ANKRD30B: variants seen among roughly 807,000 people sequenced by gnomAD.
The protein encoded by ANKRD30B is ankyrin repeat domain-containing protein 30B.
Under a neutral mutation model 202.2 loss-of-function variants are expected in ANKRD30B, and 144 were observed. That is an observed-to-expected ratio of 0.71 (90% CI 0.62 to 0.82). The LOEUF (loss-of-function observed/expected upper bound fraction) is 0.82, where lower values mean the gene tolerates loss of function less well. Ranked by LOEUF, ANKRD30B falls within the 40% of genes least tolerant of loss-of-function variation. The pLI is 0.00. For missense variants in ANKRD30B, 1,487 were observed against 1,669.1 expected, an observed-to-expected ratio of 0.89 and a Z score of 1.90; for synonymous variants, 508 against 561.3, an observed-to-expected ratio of 0.91 and a Z score of 1.34.
intron 10 of ANKRD30B, among the ~76,000 whole-genome samples, chr18:14,779,297 T>A (rs1385073011): frequency 6.6e-6 from 1 of 152,234 alleles, no homozygotes; most frequent in Non-Finnish European, 1.5e-5. Flanking sequence ...CCTAGAAATG[T>A]CTAATGTTTC....
At chr18:14,865,668 C>T in the ANKRD30B span, among the ~76,000 whole-genome samples, 2 of 150,932 alleles carry the variant, frequency 1.3e-5, no homozygotes, top group South Asian at 4.2e-4. Flanking sequence ...ATGCCTTCTC[C>T]AGCTCACCAT....
chr18:14,862,362 A>C, the ANKRD30B span, among the ~76,000 whole-genome samples: 14 of 152,184 alleles, frequency 9.2e-5, no homozygotes, highest in African/African-American at 2.9e-4. Context: ...GACACATAAA[A>C]ATGATAGATT....
rs768104166 is a variant in ANKRD30B at position 14,851,870 on chromosome 18, A to G, written c.3926A>G (p.Asp1309Gly). 22 of 1,588,268 alleles carry G rather than the reference A, an allele frequency of 1.4e-5. No homozygotes were observed. The African/African-American group carries it at 2.7e-4, about 20-fold the overall frequency. Residue 1309 changes from aspartate to glycine, a missense_variant, in exon 42 of 44, where the codon GAT (aspartate) becomes GGT (glycine). Asp to Gly is a moderately conservative substitution (Grantham distance 94). This residue lies in a region of ANKRD30B where 182 missense variants were observed against 216.0 expected (regional missense o/e 0.84). Coordinates refer to ENST00000690538, the MANE Select transcript of ANKRD30B (RefSeq NM_001367607.2). The part of the protein sequence containing the change: ...PRLASALQDH[D>G]QSVTSRKNQE... ...CTGGCTTCTGCTTTACAAGACCATGATCAAAGTGTCACATCAAGAAAAAAC... is the reference window on the plus strand; with the variant it reads ...CTGGCTTCTGCTTTACAAGACCATGGTCAAAGTGTCACATCAAGAAAAAAC...
downstream of ANKRD30B, among the ~76,000 whole-genome samples, chr18:14,855,735 A>C (rs1713880): frequency 0.58 from 77,430 of 132,504 alleles, 20,741 homozygotes; most frequent in African/African-American, 0.64. Context: ...CTCCTCACCT[A>C]CCAAGGGGGG....
At chr18:14,889,429 C>T in the ANKRD30B span, among the ~76,000 whole-genome samples, 1 of 152,138 alleles carries the variant, frequency 6.6e-6, no homozygotes, top group Admixed American at 6.5e-5. Context: ...TATAATTAGC[C>T]TGTTCCAGGC....
At chr18:14,798,227 C>A (rs1386016186) in intron 20 of ANKRD30B, among the ~76,000 whole-genome samples, 1 of 104,290 alleles carries the variant, frequency 9.6e-6, no homozygotes, top group African/African-American at 3.9e-5. Context: ...GATATACCCG[C>A]ATTTGTTATT....
At chr18:14,933,773 A>C in the ANKRD30B span, among the ~76,000 whole-genome samples, 1 of 152,098 alleles carries the variant, frequency 6.6e-6, no homozygotes, top group Non-Finnish European at 1.5e-5. Context: ...ACTCGGAGGG[A>C]AGGCGCATTG....
chr18:14,869,256 C>T, the ANKRD30B span, among the ~76,000 whole-genome samples: 2 of 152,084 alleles, frequency 1.3e-5, no homozygotes, highest in Non-Finnish European at 2.9e-5. Context: ...TGCATTGCCA[C>T]AAAACAATTT....
At chr18:14,854,082 CTTTTA>C (rs1971993965) in intron 43 of ANKRD30B, among the ~76,000 whole-genome samples, 105 bp from the exon 44 acceptor site, 1 of 151,834 alleles carries the variant, frequency 6.6e-6, no homozygotes, top group Non-Finnish European at 1.5e-5. Context: ...AGGAAGACTT[CTTTTA>C]TATGTTCATT....
intron 30 of ANKRD30B, among the ~76,000 whole-genome samples, chr18:14,820,861 A>G (rs1396132671): frequency 9.3e-4 from 142 of 152,206 alleles, no homozygotes; most frequent in African/African-American, 3.3e-3. Flanking sequence ...TTGGTATCAG[A>G]ATGATGCTGG....
chr18:14,854,414 G>A lies in ANKRD30B; in HGVS notation c.*256G>A, dbSNP rs1598727043. Among the ~76,000 whole-genome samples, 7 of 152,158 alleles carry A rather than the reference G, an allele frequency of 4.6e-5. No homozygotes were observed. In the South Asian group the frequency reaches 1.5e-3, roughly 32 times the overall value. ...AGTGCTTCTGGTGTGTGGGATGGGG[G>A]TAGAATCCCATGCATGAGAAGGGGA... On this transcript the variant is annotated 3_prime_UTR_variant, in exon 44 of 44. Coordinates refer to ENST00000690538, the MANE Select transcript of ANKRD30B (RefSeq NM_001367607.2).
chr18:14,856,551 G>A (rs1311248939), downstream of ANKRD30B, among the ~76,000 whole-genome samples: 15 of 132,044 alleles, frequency 1.1e-4, no homozygotes, highest in African/African-American at 3.0e-4. Context: ...CCAGGCAGAG[G>A]CGCTCCTCAC....
At chr18:14,773,661 CTT>C (rs36017456) in intron 9 of ANKRD30B, among the ~76,000 whole-genome samples, 173 of 141,170 alleles carry the variant, frequency 1.2e-3, no homozygotes, top group Middle Eastern at 3.6e-3. Flanking sequence ...AACTCATGTT[CTT>C]TTTTTTTTTT....
At position 14,842,882 on chromosome 18, in the gene ANKRD30B, T is replaced by G; in HGVS notation, c.3080-15T>G. 1 of 1,548,278 alleles carries G rather than the reference T, an allele frequency of 6.5e-7. No individual in the cohort carries two copies. The highest frequency in any genetic ancestry group is 2.5e-5 in the East Asian group (1 of 40,722). On this transcript the variant is annotated splice_polypyrimidine_tract_variant and intron_variant, in intron 37 of 43. Transcript: ENST00000690538. ...ATTTACTTATGACTGATAATAAATC[T>G]CTTTTGCTTTTTAGAGTCTCCTGAA... is the stretch of plus-strand genomic sequence containing the variant.
At chr18:14,868,758 C>T in the ANKRD30B span, among the ~76,000 whole-genome samples, 2 of 152,294 alleles carry the variant, frequency 1.3e-5, no homozygotes, top group African/African-American at 2.4e-5. Flanking sequence ...ATGGTGTCAC[C>T]TGGGGAAAGT....
chr18:14,825,094 C>T (rs1483109508), intron 32 of ANKRD30B: 1 of 152,144 alleles, frequency 6.6e-6, no homozygotes, highest in Non-Finnish European at 1.5e-5. Context: ...TGATGAAACC[C>T]TCGCCTGAAC....
the ANKRD30B span, among the ~76,000 whole-genome samples, chr18:14,928,024 A>G: frequency 1.5e-4 from 23 of 151,902 alleles, no homozygotes; most frequent in Non-Finnish European, 2.5e-4. Context: ...CTGGAGTGCA[A>G]TGGTGCTATC....
chr18:14,805,947 G>A (rs1170473247), intron 24 of ANKRD30B, among the ~76,000 whole-genome samples: 2 of 150,276 alleles, frequency 1.3e-5, no homozygotes, highest in South Asian at 2.1e-4. Context: ...CAGGCCAGGC[G>A]TGGTGACTCA....
chr18:14,870,794 G>A, the ANKRD30B span, among the ~76,000 whole-genome samples: 7 of 152,222 alleles, frequency 4.6e-5, no homozygotes, highest in South Asian at 6.2e-4. Context: ...TGCTAAGGCA[G>A]AGGTTTCCCT....
Sources: allele counts gnomAD v4.1 joint callset (sites outside exome capture counted in the v4.1 genomes callset), GRCh38; gene constraint gnomAD v4.1.1; regional missense constraint gnomAD v4.1.1; transcripts MANE v1.5; gene names NCBI Gene and HGNC (gene_info 2026-07-23, HGNC 2026-07-21).